The following ANO4 variants were observed in gnomAD, a reference collection of about 807,000 sequenced individuals.
ANO4 encodes anoctamin 4.
Under a neutral mutation model 141.9 loss-of-function variants are expected in ANO4, and 69 were observed. The ratio of observed to expected loss-of-function variants is 0.49; its 90% confidence interval spans 0.40 to 0.59. The LOEUF is 0.59. ANO4 is among the 20% of genes least tolerant of loss of function. The pLI, the probability that ANO4 is intolerant of heterozygous loss-of-function variation, is 0.00. For synonymous variants in ANO4, 350 were observed against 394.3 expected (o/e 0.89, Z 1.33); for missense variants, 894 against 1,162.2 (o/e 0.77, Z 3.36).
chr12:100,991,529 A>G lies in ANO4; in HGVS notation c.734+3859A>G, dbSNP rs2045105442. The stretch of plus-strand genomic sequence containing the variant: ...TGAAAATAGTAAAAAAAAAAAAAAA[A>G]AAAAAGAGAAAAACATTGAAAGTTT... On this transcript the variant is annotated intron_variant, in intron 8 of 27. Coordinates refer to ENST00000392977, the MANE Select transcript of ANO4 (RefSeq NM_001286615.2). 1.3e-5 allele frequency among the ~76,000 whole-genome samples: 2 copies of G among 150,964 alleles called. 1 individual carries two copies. The highest frequency in any genetic ancestry group is 4.2e-4 in the South Asian group (2 of 4,790).
chr12:101,080,835 A>C (rs2049215128), intron 15 of ANO4, among the ~76,000 whole-genome samples: 1 of 135,996 alleles, frequency 7.4e-6, no homozygotes, highest in Non-Finnish European at 1.6e-5. Context: ...TCAAATAAAT[A>C]ATGTGTATAT....
chr12:100,832,694 G>C (rs2036692174), intron 1 of ANO4, among the ~76,000 whole-genome samples: 1 of 152,080 alleles, frequency 6.6e-6, no homozygotes, highest in African/African-American at 2.4e-5. Context: ...GCTGCTTAAT[G>C]ATTTCAGCTG....
At position 100,864,888 on chromosome 12, in the gene ANO4, C is replaced by A. The variant is rs533327294; in HGVS notation, c.-140-36758C>A. Reference sequence around the variant, plus strand: ...GTGTGTGATGTTCCCCTCCTTGTGTCCATGTGTCCTCATTGTTCAACTCCC... The same window carrying A: ...GTGTGTGATGTTCCCCTCCTTGTGTACATGTGTCCTCATTGTTCAACTCCC... On this transcript the variant is annotated intron_variant, in intron 1 of 27. Transcript: ENST00000392977. Among the ~76,000 whole-genome samples, 34 of 152,230 alleles carry A rather than the reference C, an allele frequency of 2.2e-4. 1 individual carries two copies. The South Asian group carries it at 4.6e-3, about 20-fold the overall frequency.
chr12:101,071,146 T>C (rs922908477), intron 14 of ANO4, among the ~76,000 whole-genome samples: 7 of 152,112 alleles, frequency 4.6e-5, no homozygotes, highest in African/African-American at 1.7e-4. Context: ...TACTGTATGA[T>C]CCAGCAATCT....
chr12:100,989,202 C>T (rs573966136), intron 8 of ANO4, among the ~76,000 whole-genome samples: 32 of 152,236 alleles, frequency 2.1e-4, no homozygotes, highest in Non-Finnish European at 3.7e-4. Context: ...ACATGGAATT[C>T]ACAGACTGGC....
intron 2 of ANO4, among the ~76,000 whole-genome samples, chr12:100,921,617 C>A (rs552468384): frequency 6.6e-6 from 1 of 152,216 alleles, no homozygotes; most frequent in East Asian, 1.9e-4. Context: ...TATGGAGCAG[C>A]ATAAAAACTT....
At chr12:100,984,762 G>T (rs1204907676) in intron 7 of ANO4, among the ~76,000 whole-genome samples, 4 of 152,118 alleles carry the variant, frequency 2.6e-5, no homozygotes, top group Non-Finnish European at 5.9e-5. Context: ...CCTCCTTCTT[G>T]CTTCCTCTTT....
intron 8 of ANO4, among the ~76,000 whole-genome samples, chr12:101,016,541 C>G (rs2046323837): frequency 6.6e-6 from 1 of 152,184 alleles, no homozygotes; most frequent in Non-Finnish European, 1.5e-5. Flanking sequence ...AGGGGACAAA[C>G]ATCCAAACTA....
intron 2 of ANO4, among the ~76,000 whole-genome samples, chr12:100,734,423 T>C (rs2136826902): frequency 6.6e-6 from 1 of 152,334 alleles, no homozygotes; most frequent in East Asian, 1.9e-4. Context: ...CTCCTTTCCA[T>C]TTCCTTTCAA....
At chr12:101,108,247 G>A (rs993985421) in intron 22 of ANO4, among the ~76,000 whole-genome samples, 14 of 152,048 alleles carry the variant, frequency 9.2e-5, no homozygotes, top group African/African-American at 3.4e-4. Context: ...GAAACAGAAG[G>A]GAACGCCCAC....
rs1283746810 is a variant in ANO4, at chr12:100,919,947, T to TA, written c.56-2272dup. ...TACTTCTATACTGCCCTCTCACATT[T>TA]AAAAAAATTATTAAAGGTTTTTGGA... On this transcript the variant is annotated intron_variant, in intron 2 of 27. Transcript: ENST00000392977. 2.0e-5 allele frequency among the ~76,000 whole-genome samples: 3 copies of TA among 151,902 alleles called. No homozygotes were observed. In the East Asian group the frequency reaches 5.8e-4, roughly 29 times the overall value.
chr12:101,068,048 G>A (rs183181616), intron 14 of ANO4, among the ~76,000 whole-genome samples: 23 of 152,288 alleles, frequency 1.5e-4, no homozygotes, highest in African/African-American at 5.3e-4. Context: ...TGCTCTGAAC[G>A]ATTGTCTGTA....
intron 3 of ANO4, among the ~76,000 whole-genome samples, chr12:100,764,241 A>G (rs754090954): frequency 3.9e-5 from 6 of 152,214 alleles, no homozygotes; most frequent in Admixed American, 1.3e-4. Context: ...ATTATTGGAT[A>G]TGAACTACTT....
At chr12:100,915,009 G>C (rs2041272229) in intron 2 of ANO4, among the ~76,000 whole-genome samples, 1 of 151,806 alleles carries the variant, frequency 6.6e-6, no homozygotes, top group African/African-American at 2.4e-5. Context: ...TTTTAGAGAT[G>C]GAGGTCTTGC....
intron 9 of ANO4, among the ~76,000 whole-genome samples, chr12:101,028,027 G>A (rs1454720430): frequency 3.9e-5 from 6 of 151,998 alleles, no homozygotes; most frequent in East Asian, 1.9e-4. Flanking sequence ...GTGCGGGAGC[G>A]AACCAGATAA....
intron 8 of ANO4, among the ~76,000 whole-genome samples, chr12:101,000,458 C>T (rs1281105481): frequency 6.6e-6 from 1 of 152,064 alleles, no homozygotes; most frequent in Non-Finnish European, 1.5e-5. Context: ...TTGTTTTCAT[C>T]GATCTGAAAT....
At chr12:100,806,524 GTTTTTTTTTTTTTTTTTTT>G (rs763949654) in intron 1 of ANO4, among the ~76,000 whole-genome samples, 800 of 59,840 alleles carry the variant, frequency 0.013, 6 homozygotes, top group African/African-American at 0.042. Flanking sequence ...TTTTTGTTTC[GTTTTTTTTTTTTTTTTTTT>G]TTTTTTTTTT....
intron 1 of ANO4, among the ~76,000 whole-genome samples, chr12:100,878,447 C>T (rs2039417721): frequency 6.6e-6 from 1 of 152,140 alleles, no homozygotes; most frequent in African/African-American, 2.4e-5. Context: ...GTGAAAATAT[C>T]AACACTCACT....
rs1362716775 is a variant in ANO4 at position 100,901,848 on chromosome 12, A to G, written c.55+8A>G. On this transcript the variant is annotated splice_region_variant and intron_variant, in intron 2 of 27. Coordinates refer to ENST00000392977, the MANE Select transcript of ANO4 (RefSeq NM_001286615.2). ...CCAAAGTCTTCCACCCAGGTGATGCATGGGGAAGTTCAACGGGGACCCATT... is the reference window on the plus strand; with the variant it reads ...CCAAAGTCTTCCACCCAGGTGATGCGTGGGGAAGTTCAACGGGGACCCATT... 4 of 1,595,826 alleles carry G rather than the reference A, an allele frequency of 2.5e-6. No individual in the cohort carries two copies. Among genetic ancestry groups the G allele is most frequent in the East Asian group, 2.2e-5 (1 of 44,572 alleles).
Sources: allele counts gnomAD v4.1 joint callset (sites outside exome capture counted in the v4.1 genomes callset), GRCh38; gene constraint gnomAD v4.1.1; transcripts MANE v1.5; gene names NCBI Gene and HGNC (gene_info 2026-07-23, HGNC 2026-07-21).